SEPTIN2: variants seen among roughly 807,000 people sequenced by gnomAD.
SEPTIN2 encodes the protein septin-2.
In SEPTIN2, 34 loss-of-function variants were observed where a neutral mutation model predicts 46.5. That is an observed-to-expected ratio of 0.73 (90% confidence interval 0.56 to 0.97). SEPTIN2 has a LOEUF of 0.97. Ranked by LOEUF, SEPTIN2 falls within the 50% of genes least tolerant of loss-of-function variation. The pLI is 0.00. For synonymous variants in SEPTIN2, 175 were observed against 153.4 expected, an observed-to-expected ratio of 1.14 and a Z score of -1.04; for missense variants, 347 against 448.4, an observed-to-expected ratio of 0.77 and a Z score of 2.04.
At chr2:241,335,927 C>G in intron 4 of SEPTIN2, 48 bp from the exon 5 acceptor site, 1 of 1,613,668 alleles carries the variant, frequency 6.2e-7, no homozygotes, top group Non-Finnish European at 8.5e-7. Flanking sequence ...GTGAGCTTTC[C>G]TCTTCACATG....
In SEPTIN2 at chr2:241,326,127, C is replaced by T. The variant is rs747349054; in HGVS notation, c.130+14C>T. ...TGATGGTGGTCGGTAAGAAATTAATCTATAGTCTCCAACTTACTAAATAAA... is the reference window on the plus strand; with the variant it reads ...TGATGGTGGTCGGTAAGAAATTAATTTATAGTCTCCAACTTACTAAATAAA... On this transcript the variant is annotated intron_variant, in intron 3 of 12. Transcript: ENST00000391971. The T allele has an allele frequency of 1.2e-6, 2 of 1,608,722 alleles. No homozygotes were observed. The highest frequency in any genetic ancestry group is 1.7e-5 in the Admixed American group (1 of 59,314).
chr2:241,316,498 A>G, intron 1 of SEPTIN2: 1 of 1,508,946 alleles, frequency 6.6e-7, no homozygotes, highest in East Asian at 2.5e-5. Context: ...GAGAGCGACT[A>G]GGCCCTGTCT....
At chr2:241,339,357 A>AG (rs35987314) in intron 7 of SEPTIN2, among the ~76,000 whole-genome samples, 28,671 of 150,682 alleles carry the variant, frequency 0.19, 3,077 homozygotes, top group Middle Eastern at 0.34. Flanking sequence ...TGGGTGACAG[A>AG]GCAAGACTCC....
chr2:241,326,173 T>G, intron 3 of SEPTIN2, 60 bp downstream of exon 3: 1 of 1,511,432 alleles, frequency 6.6e-7, no homozygotes, highest in Non-Finnish European at 9.0e-7. Flanking sequence ...TTCCAATCTC[T>G]GGAGTATGAT....
intron 10 of SEPTIN2, 109 bp downstream of exon 10, chr2:241,346,358 G>A (rs2060232772): frequency 2.9e-6 from 2 of 685,118 alleles, no homozygotes; most frequent in South Asian, 5.0e-5. Flanking sequence ...ACATGGTTTG[G>A]TTTCCTACTC....
In SEPTIN2 at chr2:241,351,986, AAAAG is replaced by A. The variant is rs1158200910; in HGVS notation, c.*53_*56del. The A allele has an allele frequency of 2.6e-5, 4 of 152,798 alleles. No individual in the cohort carries two copies. The highest frequency in any genetic ancestry group is 7.2e-5 in the African/African-American group (3 of 41,582). The allele number at this position is 152,798 out of a possible 1,614,324, so 9.5% of individuals were successfully genotyped here. A position where few individuals can be genotyped will look rare whatever the true frequency, so the allele number is the denominator to read the frequency against. On this transcript the variant is annotated 3_prime_UTR_variant, in exon 13 of 13. Transcript: ENST00000391971. ...TTCTAGAAAACACTTTCCTGGATAA[AAAAG>A]AAAACATTCCAGATGCATGATCCAG...
chr2:241,326,598 G>A (rs2078012861), intron 3 of SEPTIN2, among the ~76,000 whole-genome samples: 1 of 115,336 alleles, frequency 8.7e-6, no homozygotes, highest in South Asian at 3.0e-4. Flanking sequence ...GTAGGACATT[G>A]TGGAGATGAA....
intron 6 of SEPTIN2, 35 bp downstream of exon 6, chr2:241,337,551 TACA>T (rs771364588): frequency 6.2e-7 from 1 of 1,607,900 alleles, no homozygotes; most frequent in East Asian, 2.2e-5. Context: ...AATGCTTTAC[TACA>T]TGGGTTTGTA....
At chr2:241,342,815 C>T (rs1254557848) in intron 7 of SEPTIN2, among the ~76,000 whole-genome samples, 177 bp from the exon 8 acceptor site, 1 of 152,100 alleles carries the variant, frequency 6.6e-6, no homozygotes, top group Admixed American at 6.5e-5. Context: ...GGATTACAGA[C>T]GTGAGCCACC....
intron 7 of SEPTIN2, among the ~76,000 whole-genome samples, chr2:241,342,228 GGTTTT>G (rs768433914): frequency 6.6e-6 from 1 of 152,002 alleles, no homozygotes; most frequent in Non-Finnish European, 1.5e-5. Context: ...CCTTTGACGA[GGTTTT>G]GTTTTTTTTT....
intron 8 of SEPTIN2, 100 bp downstream of exon 8, chr2:241,343,193 A>AAT (rs2081487128): frequency 1.4e-6 from 1 of 733,458 alleles, no homozygotes; most frequent in Non-Finnish European, 2.4e-6. Context: ...TTACGAGAGT[A>AAT]TTTTTGCTTT....
At position 241,353,652 on chromosome 2, in the gene SEPTIN2, A is replaced by G. The variant is rs1315915267; in HGVS notation, c.*1715A>G. The G allele has an allele frequency of 6.6e-6, 1 of 152,622 alleles. No individual in the cohort carries two copies. The highest frequency in any genetic ancestry group is 2.4e-5 in the African/African-American group (1 of 41,466). 9.5% of individuals were successfully genotyped at this position (152,622 alleles called of 1,614,324 possible). A position where few individuals can be genotyped will look rare whatever the true frequency, so the allele number is the denominator to read the frequency against. On this transcript the variant is annotated 3_prime_UTR_variant, in exon 13 of 13. Transcript: ENST00000391971. ...GAAGGTAACTAAGAAGTGGTGTTCC[A>G]TGACTTCAGAGTACATCCATGCGGA...
intron 1 of SEPTIN2, among the ~76,000 whole-genome samples, chr2:241,319,075 G>A (rs1425723327): frequency 6.6e-6 from 1 of 152,128 alleles, no homozygotes; most frequent in Non-Finnish European, 1.5e-5. Context: ...ATTATATTCA[G>A]TAAACTCACC....
intron 7 of SEPTIN2, among the ~76,000 whole-genome samples, chr2:241,340,190 T>C (rs1278850594): frequency 6.6e-6 from 1 of 152,210 alleles, no homozygotes; most frequent in Non-Finnish European, 1.5e-5. Flanking sequence ...TTGTAATGTG[T>C]TTCCTGTCTG....
intron 3 of SEPTIN2, among the ~76,000 whole-genome samples, chr2:241,331,036 G>A (rs926705645): frequency 1.3e-5 from 2 of 152,114 alleles, no homozygotes; most frequent in South Asian, 2.1e-4. Context: ...GAAATTAGCC[G>A]GCCGTGATGG....
At chr2:241,338,694 ATAT>A (rs1412522132) in intron 7 of SEPTIN2, among the ~76,000 whole-genome samples, 6 of 117,782 alleles carry the variant, frequency 5.1e-5, no homozygotes, top group African/African-American at 1.6e-4. Flanking sequence ...TATGTAATAT[ATAT>A]TATATTTATA....
intron 7 of SEPTIN2, among the ~76,000 whole-genome samples, chr2:241,339,286 A>G (rs2080923588): frequency 6.6e-6 from 1 of 151,264 alleles, no homozygotes. Flanking sequence ...CCAGCCACTC[A>G]GGAGGCTGAA....
At chr2:241,347,624 C>T (rs1041537423) in intron 10 of SEPTIN2, among the ~76,000 whole-genome samples, 4 of 152,188 alleles carry the variant, frequency 2.6e-5, no homozygotes, top group Admixed American at 2.0e-4. Context: ...CAAGTGTTGT[C>T]GCTCAAGCTT....
At chr2:241,348,412 G>A (rs1005459783) in intron 11 of SEPTIN2, among the ~76,000 whole-genome samples, 1 of 152,070 alleles carries the variant, frequency 6.6e-6, no homozygotes, top group Non-Finnish European at 1.5e-5. Flanking sequence ...TGTATTTTTA[G>A]TAGAGACGGG....
Sources: allele counts gnomAD v4.1 joint callset (sites outside exome capture counted in the v4.1 genomes callset), GRCh38; gene constraint gnomAD v4.1.1; transcripts MANE v1.5; gene names NCBI Gene and HGNC (gene_info 2026-07-23, HGNC 2026-07-21).